The following GALNTL6 variants were observed in gnomAD, a reference collection of about 807,000 sequenced individuals.
GALNTL6 encodes polypeptide N-acetylgalactosaminyltransferase-like 6.
Under a neutral mutation model 73.7 loss-of-function variants are expected in GALNTL6, and 46 were observed. The observed-to-expected ratio is 0.62, with a 90% CI of 0.49 to 0.80. The LOEUF is 0.80. GALNTL6 is among the 30% of genes least tolerant of loss of function. The pLI is 0.00. For synonymous variants in GALNTL6, 259 were observed against 263.7 expected (o/e 0.98, Z 0.17); for missense variants, 604 against 755.0 (o/e 0.80, Z 2.34).
At chr4:172,720,610 T>C (rs1284272252) in intron 5 of GALNTL6, among the ~76,000 whole-genome samples, 1 of 152,172 alleles carries the variant, frequency 6.6e-6, no homozygotes, top group African/African-American at 2.4e-5. Context: ...AGAATAACAT[T>C]GCAAATGAAA....
chr4:172,743,080 T>C (rs1242612109), intron 5 of GALNTL6, among the ~76,000 whole-genome samples: 1 of 152,018 alleles, frequency 6.6e-6, no homozygotes, highest in Non-Finnish European at 1.5e-5. Flanking sequence ...AGCAAAGAAG[T>C]AGTTCTCCAA....
chr4:172,787,809 G>C (rs1560952512), intron 5 of GALNTL6, among the ~76,000 whole-genome samples: 1 of 152,144 alleles, frequency 6.6e-6, no homozygotes, highest in Non-Finnish European at 1.5e-5. Context: ...TGTTCGGTGA[G>C]ACACATTTTA....
chr4:172,360,517 T>C (rs745740790), intron 5 of GALNTL6, among the ~76,000 whole-genome samples: 7 of 152,160 alleles, frequency 4.6e-5, no homozygotes, highest in Non-Finnish European at 8.8e-5. Flanking sequence ...AGGGTACAGA[T>C]AACTTATTCC....
rs191060385 is a variant in GALNTL6 at position 172,858,365 on chromosome 4, G to A, written c.924-24425G>A. The stretch of plus-strand genomic sequence containing the variant: ...ACCTGCAAAAATGTAAGATCTGTGA[G>A]TAAATATAAAGCAAGGTAAGGGGAC... On this transcript the variant is annotated intron_variant, in intron 7 of 12. Coordinates refer to ENST00000506823, the MANE Select transcript of GALNTL6 (RefSeq NM_001034845.3). Among the ~76,000 whole-genome samples, 25 of 152,308 alleles carry A rather than the reference G, an allele frequency of 1.6e-4. No homozygotes were observed. In the East Asian group the frequency reaches 4.6e-3, roughly 28 times the overall value.
chr4:172,228,885 T>G (rs568488400), intron 2 of GALNTL6, among the ~76,000 whole-genome samples: 2 of 152,344 alleles, frequency 1.3e-5, no homozygotes, highest in East Asian at 3.9e-4. Flanking sequence ...CATTATAACA[T>G]ATCGGACTTT....
intron 5 of GALNTL6, among the ~76,000 whole-genome samples, chr4:172,501,935 G>A (rs1734275931): frequency 6.6e-6 from 1 of 152,088 alleles, no homozygotes; most frequent in African/African-American, 2.4e-5. Flanking sequence ...TTAATACACA[G>A]TAGATAATAT....
chr4:172,680,464 G>A (rs945140281), intron 5 of GALNTL6, among the ~76,000 whole-genome samples: 3 of 152,178 alleles, frequency 2.0e-5, no homozygotes, highest in African/African-American at 7.2e-5. Context: ...TCTGAAAGCT[G>A]TGATGAAGGG....
intron 5 of GALNTL6, among the ~76,000 whole-genome samples, chr4:172,410,223 A>G (rs1004584383): frequency 1.3e-5 from 2 of 151,942 alleles, no homozygotes; most frequent in African/African-American, 4.8e-5. Context: ...TATTTTTTCC[A>G]TAAAACTTAA....
At chr4:172,389,292 G>GA (rs1207518594) in intron 5 of GALNTL6, among the ~76,000 whole-genome samples, 2 of 151,170 alleles carry the variant, frequency 1.3e-5, no homozygotes, top group African/African-American at 2.4e-5. Flanking sequence ...AATAACAGCA[G>GA]AAAAAAAGAG....
chr4:172,209,861 TAG>T (rs1392719682), intron 2 of GALNTL6, among the ~76,000 whole-genome samples: 22 of 152,192 alleles, frequency 1.4e-4, no homozygotes, highest in African/African-American at 5.3e-4. Context: ...CTTGGTGCAT[TAG>T]AATTTTGAGT....
chr4:172,321,183 C>T (rs1232512943), intron 4 of GALNTL6, among the ~76,000 whole-genome samples: 5 of 152,082 alleles, frequency 3.3e-5, no homozygotes, highest in Admixed American at 6.5e-5. Context: ...GAGTTAGGTA[C>T]TATCTGCAGT....
At chr4:172,017,974 T>C (rs904549732) in intron 2 of GALNTL6, among the ~76,000 whole-genome samples, 1 of 151,602 alleles carries the variant, frequency 6.6e-6, no homozygotes, top group African/African-American at 2.4e-5. Context: ...ATGTTCACTG[T>C]GCTGACTTTC....
intron 9 of GALNTL6, 135 bp from the exon 10 acceptor site, chr4:172,951,892 ACTCTCATTGT>A (rs1451930952): frequency 6.5e-6 from 4 of 614,494 alleles, no homozygotes; most frequent in Non-Finnish European, 1.2e-5. Flanking sequence ...TGTTACTAAA[ACTCTCATTGT>A]TCATAAACCA....
intron 2 of GALNTL6, among the ~76,000 whole-genome samples, chr4:171,991,509 C>G (rs182972572): frequency 1.4e-4 from 22 of 151,800 alleles, no homozygotes; most frequent in Admixed American, 1.4e-3. Context: ...ATCAATCTAA[C>G]AAATATCAAG....
intron 2 of GALNTL6, among the ~76,000 whole-genome samples, chr4:172,124,208 A>G (rs796652073): frequency 6.6e-6 from 1 of 152,366 alleles, no homozygotes; most frequent in South Asian, 2.1e-4. Context: ...TATCCATATC[A>G]ATAACATACC....
At chr4:172,739,426 C>A (rs950438621) in intron 5 of GALNTL6, among the ~76,000 whole-genome samples, 1 of 152,130 alleles carries the variant, frequency 6.6e-6, no homozygotes, top group Non-Finnish European at 1.5e-5. Context: ...GGGAGAAAAG[C>A]TGATACCGAG....
intron 3 of GALNTL6, among the ~76,000 whole-genome samples, chr4:172,260,255 T>A (rs1475810096): frequency 6.6e-6 from 1 of 151,916 alleles, no homozygotes; most frequent in East Asian, 1.9e-4. Flanking sequence ...TTTGTTTGTG[T>A]CATCTGTGAT....
At chr4:172,314,202 A>C (rs918713875) in intron 4 of GALNTL6, among the ~76,000 whole-genome samples, 4 of 152,236 alleles carry the variant, frequency 2.6e-5, no homozygotes, top group Admixed American at 1.3e-4. Context: ...ATATTGACAC[A>C]ATCTATAGAA....
chr4:171,900,881 A>C (rs1475008546), intron 2 of GALNTL6, among the ~76,000 whole-genome samples: 1 of 64,028 alleles, frequency 1.6e-5, no homozygotes, highest in African/African-American at 6.6e-5. Context: ...TAATAACTAA[A>C]ATATTAGAAT....
Sources: gnomAD v4.1 joint callset for allele counts (sites outside exome capture counted in the v4.1 genomes callset) on GRCh38, gnomAD v4.1.1 for gene constraint, MANE v1.5 for transcripts, NCBI Gene and HGNC (gene_info 2026-07-23, HGNC 2026-07-21) for gene names.